KCNJ3: variants seen among roughly 807,000 people sequenced by gnomAD.
The protein encoded by KCNJ3 is G protein-activated inward rectifier potassium channel 1.
A neutral mutation model predicts 39.2 loss-of-function variants in KCNJ3; 4 were observed. That is an observed-to-expected ratio of 0.10 (90% CI 0.05 to 0.23). KCNJ3 has a LOEUF of 0.23. KCNJ3 is among the 10% of genes least tolerant of loss of function. The pLI, the probability that KCNJ3 is intolerant of heterozygous loss-of-function variation, is 1.00. For synonymous variants in KCNJ3, 230 were observed against 237.4 expected (o/e 0.97, Z 0.29); for missense variants, 276 against 634.9 (o/e 0.43, Z 6.08).
chr2:154,740,120 C>T (rs957216147), intron 2 of KCNJ3, among the ~76,000 whole-genome samples: 11 of 151,890 alleles, frequency 7.2e-5, no homozygotes, highest in African/African-American at 2.7e-4. Flanking sequence ...CTGGATGTTA[C>T]CTTTGAGTTA....
intron 2 of KCNJ3, among the ~76,000 whole-genome samples, chr2:154,827,242 G>A (rs917364642): frequency 6.6e-6 from 1 of 152,184 alleles, no homozygotes; most frequent in Non-Finnish European, 1.5e-5. Flanking sequence ...ACTCCTAAAG[G>A]CAAAGCGCTC....
At chr2:154,797,094 T>C (rs1379194575) in intron 2 of KCNJ3, among the ~76,000 whole-genome samples, 1 of 152,186 alleles carries the variant, frequency 6.6e-6, no homozygotes, top group Non-Finnish European at 1.5e-5. Flanking sequence ...ACAATCTGTC[T>C]TTTATTCATG....
intron 2 of KCNJ3, among the ~76,000 whole-genome samples, chr2:154,735,069 C>CTGTGTGTGTG (rs10632638): frequency 0.041 from 5,949 of 145,836 alleles, 175 homozygotes; most frequent in Non-Finnish European, 0.047. Flanking sequence ...CCTTGTAGGC[C>CTGTGTGTGTG]TGTGTGTGTG....
At chr2:154,781,479 G>GA in intron 2 of KCNJ3, among the ~76,000 whole-genome samples, 1 of 152,056 alleles carries the variant, frequency 6.6e-6, no homozygotes, top group East Asian at 1.9e-4. Context: ...TTGCTGGTAG[G>GA]AAAAATATAT....
chr2:154,769,171 C>T (rs567904381), intron 2 of KCNJ3, among the ~76,000 whole-genome samples: 2 of 152,040 alleles, frequency 1.3e-5, no homozygotes, highest in Admixed American at 6.6e-5. Flanking sequence ...AATTGAATAC[C>T]CTTTATTTCT....
chr2:154,740,177 A>G (rs6759131), intron 2 of KCNJ3, among the ~76,000 whole-genome samples: 92,040 of 151,832 alleles, frequency 0.61, 29,374 homozygotes, highest in African/African-American at 0.82. Context: ...TAAAAAAGAC[A>G]TAGAGATTTC....
intron 2 of KCNJ3, among the ~76,000 whole-genome samples, chr2:154,758,259 C>CTG (rs1685976675): frequency 6.6e-6 from 1 of 151,390 alleles, no homozygotes; most frequent in Non-Finnish European, 1.5e-5. Flanking sequence ...AGAATTTATA[C>CTG]TTGTTGATTT....
At chr2:154,844,444 T>C (rs1398909739) in intron 2 of KCNJ3, among the ~76,000 whole-genome samples, 2 of 152,176 alleles carry the variant, frequency 1.3e-5, no homozygotes, top group East Asian at 3.9e-4. Context: ...TTCTCAGAGC[T>C]CAGACGCCGT....
intron 2 of KCNJ3, among the ~76,000 whole-genome samples, chr2:154,752,852 T>G (rs762844547): frequency 1.2e-4 from 19 of 152,136 alleles, no homozygotes; most frequent in Admixed American, 3.9e-4. Context: ...TTGATGCAGA[T>G]TAAAATTTCT....
intron 1 of KCNJ3, among the ~76,000 whole-genome samples, chr2:154,706,167 A>T (rs1685004833): frequency 6.6e-6 from 1 of 152,100 alleles, no homozygotes; most frequent in South Asian, 2.1e-4. Flanking sequence ...ATTTGAAAAT[A>T]ATTTCAATTA....
chr2:154,741,324 A>C (rs1343265751), intron 2 of KCNJ3, among the ~76,000 whole-genome samples: 1 of 151,966 alleles, frequency 6.6e-6, no homozygotes, highest in Non-Finnish European at 1.5e-5. Context: ...ATAAACTATA[A>C]GCCCCCTTTT....
chr2:154,761,923 A>G (rs910490146), intron 2 of KCNJ3, among the ~76,000 whole-genome samples: 2 of 152,202 alleles, frequency 1.3e-5, no homozygotes, highest in African/African-American at 4.8e-5. Flanking sequence ...TATGTTAAGT[A>G]TCATACCTAG....
intron 2 of KCNJ3, among the ~76,000 whole-genome samples, chr2:154,828,981 T>C (rs1574477641): frequency 6.6e-6 from 1 of 152,232 alleles, no homozygotes; most frequent in East Asian, 1.9e-4. Context: ...GTTAAAAACT[T>C]AATAAACACT....
intron 2 of KCNJ3, among the ~76,000 whole-genome samples, chr2:154,789,749 A>G (rs867293447): frequency 3.4e-4 from 51 of 152,184 alleles, no homozygotes; most frequent in Non-Finnish European, 2.2e-4. Context: ...GTTCAGTGTA[A>G]AAATGTGTGA....
chr2:154,850,201 T>A (rs1407347595), intron 2 of KCNJ3, among the ~76,000 whole-genome samples: 1 of 152,008 alleles, frequency 6.6e-6, no homozygotes, highest in Non-Finnish European at 1.5e-5. Context: ...GTTGTGTTGC[T>A]GGCTAAGAGG....
intron 2 of KCNJ3, among the ~76,000 whole-genome samples, chr2:154,847,800 A>C (rs1350857628): frequency 1.3e-5 from 2 of 152,304 alleles, no homozygotes; most frequent in South Asian, 2.1e-4. Flanking sequence ...GAGATGTATT[A>C]GTTTTTGTAA....
chr2:154,734,273 C>A (rs1438862509), intron 2 of KCNJ3, among the ~76,000 whole-genome samples: 1 of 152,176 alleles, frequency 6.6e-6, no homozygotes, highest in African/African-American at 2.4e-5. Flanking sequence ...AAGCTAACTG[C>A]ATTCTGGAGG....
rs767764843 is a variant in KCNJ3 at position 154,698,751 on chromosome 2, T to G, written c.-25T>G. ...AGCTCCTGCGCCTTCGCTTCGCGTT[T>G]GAATCTGGCTCGCCCCTTCGTATTA... On this transcript the variant is annotated 5_prime_UTR_variant, in exon 1 of 3. Coordinates refer to ENST00000295101, the MANE Select transcript of KCNJ3 (RefSeq NM_002239.4). 2.0e-6 allele frequency: 3 copies of G among 1,491,914 alleles called. No homozygotes were observed. The highest frequency in any genetic ancestry group is 2.8e-5 in the African/African-American group (2 of 71,736). The allele number at this position is 1,491,914 out of a possible 1,614,324, so 92.4% of individuals were successfully genotyped here.
chr2:154,741,186 G>C (rs1044636368), intron 2 of KCNJ3, among the ~76,000 whole-genome samples: 2 of 151,828 alleles, frequency 1.3e-5, no homozygotes, highest in African/African-American at 2.4e-5. Context: ...TTTTACATTA[G>C]ATGAATCTGA....
Sources: gnomAD v4.1 joint callset for allele counts (sites outside exome capture counted in the v4.1 genomes callset) on GRCh38, gnomAD v4.1.1 for gene constraint, MANE v1.5 for transcripts, NCBI Gene and HGNC (gene_info 2026-07-23, HGNC 2026-07-21) for gene names.